CSF3R: variants seen among roughly 807,000 people sequenced by gnomAD.
CSF3R encodes the protein colony stimulating factor 3 receptor.
A neutral mutation model predicts 84.4 loss-of-function variants in CSF3R; 52 were observed. That is an observed-to-expected ratio of 0.62 (90% CI 0.49 to 0.78). The LOEUF is 0.78. CSF3R is among the 30% of genes least tolerant of loss of function. CSF3R has a pLI of 0.00. For missense variants in CSF3R, 890 were observed against 1,055.7 expected (o/e 0.84, Z 2.17); for synonymous variants, 384 against 429.1 (o/e 0.89, Z 1.30).
Position 36,466,059 on chromosome 1 carries a change from T to C in CSF3R, c.*298A>G. 6.2e-7 allele frequency: 1 copy of C among 1,613,896 alleles called. No individual in the cohort carries two copies. The highest frequency in any genetic ancestry group is 8.5e-7 in the Non-Finnish European group (1 of 1,179,962). On this transcript the variant is annotated 3_prime_UTR_variant, in exon 17 of 17. Transcript: ENST00000373106. This position sits in a 1 kb window ranked among gnomAD's most constrained non-coding sequence, Gnocchi z 4.6. ...AGACTCAGGTACACCCAAGAGTGTCTATAAACAACAACAAAAACTGCAAAC... is the reference window on the plus strand; with the variant it reads ...AGACTCAGGTACACCCAAGAGTGTCCATAAACAACAACAAAAACTGCAAAC...
chr1:36,471,190 T>G (rs1280743534), intron 10 of CSF3R, among the ~76,000 whole-genome samples: 1 of 151,974 alleles, frequency 6.6e-6, no homozygotes, highest in East Asian at 1.9e-4. Flanking sequence ...GGATTACAGG[T>G]GCCCGCCACT....
intron 12 of CSF3R, 66 bp downstream of exon 12, chr1:36,469,090 G>T: frequency 8.5e-7 from 1 of 1,173,390 alleles, no homozygotes. Flanking sequence ...CTGATTGCTG[G>T]GGACCAGGCA....
At position 36,472,479 on chromosome 1, in the gene CSF3R, C is replaced by T; in HGVS notation, c.843+38G>A. The T allele has an allele frequency of 6.2e-7, 1 of 1,614,126 alleles. No individual in the cohort carries two copies. Among genetic ancestry groups the T allele is most frequent in the East Asian group, 2.2e-5 (1 of 44,874 alleles). On this transcript the variant is annotated intron_variant, in intron 7 of 16. Transcript: ENST00000373106. The surrounding 1 kb of genome is among the most constrained non-coding windows in gnomAD (Gnocchi z 5.0). ...GCCCGACTTACCCTGCCCCCTGCCCCCACCACCTCAGGCTCTCCAGGTTGC... is the reference window on the plus strand; with the variant it reads ...GCCCGACTTACCCTGCCCCCTGCCCTCACCACCTCAGGCTCTCCAGGTTGC...
In CSF3R at chr1:36,466,397, C is replaced by G; in HGVS notation, c.2471G>C (p.Gly824Ala). The G allele has an allele frequency of 5.0e-6, 8 of 1,613,540 alleles. No homozygotes were observed. The South Asian group carries it at 8.8e-5, about 18-fold the overall frequency. The change falls in exon 17 of 17, where the codon GGG becomes GCG. Residue 824 changes from glycine (G) to alanine (A), a missense_variant. By Grantham distance (60) the Gly-to-Ala change is moderately conservative (BLOSUM62 0). Coordinates refer to ENST00000373106, the MANE Select transcript of CSF3R (RefSeq NM_000760.4). This position sits in a 1 kb window ranked among gnomAD's most constrained non-coding sequence, Gnocchi z 4.6. Reference sequence around the variant, plus strand: ...CGCCTCCATCCCATGGACCCGGATCCCCTGCAGGAGGGGGAAGTTGAGCAG... The same window carrying G: ...CGCCTCCATCCCATGGACCCGGATCGCCTGCAGGAGGGGGAAGTTGAGCAG... ...GPLLNFPLLQ[G>A]IRVHGMEALG... is the part of the protein sequence containing the mutation.
Position 36,472,340 on chromosome 1 carries a change from G to T in CSF3R, c.895C>A (p.Pro299Thr). Reference sequence around the variant, plus strand: ...ATCTGCAGGGTGTAGGCCGTGGCTGGGAGGAGCCCGCAGAGCTCATACTGA... The same window carrying T: ...ATCTGCAGGGTGTAGGCCGTGGCTGTGAGGAGCCCGCAGAGCTCATACTGA... ...ALQYELCGLL[P>T]ATAYTLQIRC... Residue 299 changes from proline to threonine, a missense_variant, in exon 8 of 17, where the codon CCA becomes ACA. Physicochemically the swap from Pro to Thr is conservative, Grantham distance 38. Transcript: ENST00000373106. The surrounding 1 kb of genome is among the most constrained non-coding windows in gnomAD (Gnocchi z 5.0). The T allele has an allele frequency of 6.2e-7, 1 of 1,614,190 alleles. No homozygotes were observed. Among genetic ancestry groups the T allele is most frequent in the Non-Finnish European group, 8.5e-7 (1 of 1,180,036 alleles).
chr1:36,466,486 G>C lies in CSF3R; in HGVS notation c.2382C>G (p.Ala794=). Residue 794 remains alanine, a synonymous_variant, in exon 17 of 17, where the codon GCC becomes GCG. Coordinates refer to ENST00000373106, the MANE Select transcript of CSF3R (RefSeq NM_000760.4). This position sits in a 1 kb window ranked among gnomAD's most constrained non-coding sequence, Gnocchi z 4.6. The part of the protein sequence containing the change: ...PKSYENLWFQ[A]SPLGTLVTPA... ...GGGTTACCAGGGTCCCCAAGGGGCT[G>C]GCCTGGAACCAGAGGTTCTCATAGG... 1 of 1,611,516 alleles carries C rather than the reference G, an allele frequency of 6.2e-7. No homozygotes were observed. The highest frequency in any genetic ancestry group is 8.5e-7 in the Non-Finnish European group (1 of 1,178,816).
intron 3 of CSF3R, 57 bp downstream of exon 3, chr1:36,479,376 A>G (rs1651376860): frequency 4.6e-6 from 7 of 1,531,090 alleles, no homozygotes; most frequent in South Asian, 3.4e-5. Flanking sequence ...GAAATTCCCA[A>G]TATCTCTCCT....
chr1:36,471,884 C>T (rs1343923612), intron 9 of CSF3R, 182 bp downstream of exon 9: 19 of 706,210 alleles, frequency 2.7e-5, no homozygotes, highest in African/African-American at 7.1e-5. Flanking sequence ...CACACTGTGA[C>T]GTGCGTTACA....
intron 11 of CSF3R, 25 bp downstream of exon 11, chr1:36,469,627 G>A (rs2124109200): frequency 6.2e-7 from 1 of 1,613,272 alleles, no homozygotes; most frequent in South Asian, 1.1e-5. Context: ...CCCTGGCCCT[G>A]CCCAACTTTC....
intron 2 of CSF3R, 136 bp from the exon 3 acceptor site, chr1:36,479,652 A>C: frequency 2.8e-6 from 2 of 725,426 alleles, no homozygotes; most frequent in Non-Finnish European, 5.0e-6. Flanking sequence ...TGGAAGTAAC[A>C]GCAGCCTATA....
chr1:36,477,068 A>G (rs1651200565), intron 3 of CSF3R: 1 of 152,110 alleles, frequency 6.6e-6, no homozygotes, highest in Non-Finnish European at 1.5e-5. Flanking sequence ...GGCACTAACG[A>G]ACTGGAGGAG....
At chr1:36,479,200 C>A in intron 3 of CSF3R, 1 of 603,536 alleles carries the variant, frequency 1.7e-6, no homozygotes, top group South Asian at 1.8e-5. Flanking sequence ...CTGCGCCTCA[C>A]TGGCCTTTTC....
intron 3 of CSF3R, chr1:36,477,481 C>G (rs568698125): frequency 1.3e-5 from 2 of 151,546 alleles, no homozygotes; most frequent in Non-Finnish European, 2.9e-5. Flanking sequence ...AGGCTGGTCT[C>G]GATCTCCTGA....
rs1651521813 is a variant in CSF3R at position 36,481,537 on chromosome 1, T to A, written c.-80A>T. On this transcript the variant is annotated splice_region_variant and 5_prime_UTR_variant, in exon 2 of 17. The change abolishes an upstream ATG in the 5' untranslated region. Coordinates refer to ENST00000373106, the MANE Select transcript of CSF3R (RefSeq NM_000760.4). ...TCCGAGCCGAGCCTCAGTTTCCCCA[T>A]CTGTGGGAAAGAAATAACATTAGCA... 1 of 152,226 alleles carries A rather than the reference T, an allele frequency of 6.6e-6. No homozygotes were observed. Among genetic ancestry groups the A allele is most frequent in the Non-Finnish European group, 1.5e-5 (1 of 68,036 alleles). The allele number at this position is 152,226 out of a possible 1,614,324, so 9.4% of individuals were successfully genotyped here.
rs769348066 is a variant in CSF3R, at chr1:36,467,915, C to G, written c.1771G>C (p.Glu591Gln). 1 of 1,614,186 alleles carries G rather than the reference C, an allele frequency of 6.2e-7. No individual in the cohort carries two copies. The highest frequency in any genetic ancestry group is 8.5e-7 in the Non-Finnish European group (1 of 1,180,042). Residue 591 changes from glutamate (E) to glutamine (Q), a missense_variant, in exon 14 of 17, where the codon GAG becomes CAG. Glu to Gln is a conservative substitution (Grantham distance 29). Coordinates refer to ENST00000373106, the MANE Select transcript of CSF3R (RefSeq NM_000760.4). The surrounding 1 kb of genome is among the most constrained non-coding windows in gnomAD (Gnocchi z 4.1). ...TGGATGTGATACAGACTGGCGGGCT[C>G]CAGGCCATGGAGGACAAAGCCACGG... ...SSRGFVLHGL[E>Q]PASLYHIHLM...
At chr1:36,469,024 G>A (rs1463387859) in intron 12 of CSF3R, 132 bp downstream of exon 12, 3 of 728,362 alleles carry the variant, frequency 4.1e-6, no homozygotes, top group East Asian at 2.7e-5. Context: ...CAGGGGATTG[G>A]GAGAGATCCT....
chr1:36,471,092 C>T (rs1176100713), intron 10 of CSF3R, among the ~76,000 whole-genome samples: 8 of 152,116 alleles, frequency 5.3e-5, no homozygotes, highest in African/African-American at 1.9e-4. Flanking sequence ...GTTGCCCAGG[C>T]TAGAGTGTAA....
chr1:36,469,744 A>G lies in CSF3R; in HGVS notation c.1382T>C (p.Ile461Thr), dbSNP rs1426929782. 4 of 1,614,154 alleles carry G rather than the reference A, an allele frequency of 2.5e-6. No individual in the cohort carries two copies. Among genetic ancestry groups the G allele is most frequent in the Middle Eastern group, 1.6e-4 (1 of 6,062 alleles). ...GCTGGGGGGGCCCAGGCCCCACTCA[A>G]TCACATAGCCCTGAGGCCATGGATT... ...PPNPWPQGYV[I>T]EWGLGPPSAS... The change falls in exon 11 of 17, where the codon ATT becomes ACT. Residue 461 changes from isoleucine (I) to threonine (T), a missense_variant. Transcript: ENST00000373106.
upstream of CSF3R, chr1:36,483,067 C>G (rs1027463995): frequency 1.3e-5 from 2 of 152,250 alleles, no homozygotes; most frequent in Admixed American, 6.5e-5. Context: ...GCCCGGGCAG[C>G]CTTCCTGCCT....
Sources: allele counts gnomAD v4.1 joint callset (sites outside exome capture counted in the v4.1 genomes callset), GRCh38; gene constraint gnomAD v4.1.1; non-coding constraint Gnocchi (gnomAD v3.1); transcripts MANE v1.5; gene names NCBI Gene and HGNC (gene_info 2026-07-23, HGNC 2026-07-21).